The following CDC14A variants were observed in gnomAD, a reference collection of about 807,000 sequenced individuals.
CDC14A encodes dual specificity protein phosphatase CDC14A.
CDC14A carries 53 observed loss-of-function variants against 74.4 expected under a neutral mutation model. The ratio of observed to expected loss-of-function variants is 0.71; its 90% CI spans 0.57 to 0.89. CDC14A has a LOEUF of 0.89. Ranked by LOEUF, CDC14A falls within the 40% of genes least tolerant of loss-of-function variation. The probability of loss-of-function intolerance (pLI) is 0.00; values close to 1 mark genes in which losing one functional copy is unlikely to be tolerated. For synonymous variants in CDC14A, 247 were observed against 258.4 expected, an observed-to-expected ratio of 0.96 and a Z score of 0.43; for missense variants, 646 against 713.7, an observed-to-expected ratio of 0.91 and a Z score of 1.08.
At chr1:100,449,123 C>A (rs143531253) in intron 7 of CDC14A, among the ~76,000 whole-genome samples, 2 of 152,196 alleles carry the variant, frequency 1.3e-5, no homozygotes, top group Non-Finnish European at 2.9e-5. Context: ...AAAGGGTGCT[C>A]TTTTGGGGAA....
At chr1:100,412,699 TATATATA>T (rs1660880958) in intron 4 of CDC14A, among the ~76,000 whole-genome samples, 1 of 38,352 alleles carries the variant, frequency 2.6e-5, no homozygotes, top group Non-Finnish European at 4.9e-5. Context: ...GTATGTTTTA[TATATATA>T]TATATATATA....
chr1:100,419,035 A>C (rs187695567), intron 4 of CDC14A, among the ~76,000 whole-genome samples: 10 of 152,226 alleles, frequency 6.6e-5, no homozygotes, highest in Non-Finnish European at 1.3e-4. Flanking sequence ...AAATACAAAA[A>C]AGTAGCTGAA....
intron 6 of CDC14A, among the ~76,000 whole-genome samples, chr1:100,441,227 T>G (rs1414549370): frequency 1.3e-5 from 2 of 152,196 alleles, no homozygotes; most frequent in Non-Finnish European, 2.9e-5. Flanking sequence ...TCCTTCCTGT[T>G]GTAGAGGAAA....
rs752397987 is a variant in CDC14A, at chr1:100,424,289, A to G, written c.377A>G (p.Tyr126Cys). The stretch of plus-strand genomic sequence containing the variant: ...CTCCTGTCTGGCTCAAACCCCCCCT[A>G]TCTTCCATTCAGGTATAACTCCTGG... ...RALLSGSNPP[Y>C]LPFRDASFGN... Residue 126 changes from tyrosine (Y) to cysteine (C), a missense_variant, in exon 5 of 16, where the codon TAT becomes TGT. Coordinates refer to ENST00000336454, the MANE Select transcript of CDC14A (RefSeq NM_003672.4). The G allele has an allele frequency of 5.6e-6, 9 of 1,612,818 alleles. No homozygotes were observed. The highest frequency in any genetic ancestry group is 7.6e-6 in the Non-Finnish European group (9 of 1,178,924).
chr1:100,459,346 A>T (rs1667094793), intron 8 of CDC14A, among the ~76,000 whole-genome samples: 1 of 152,120 alleles, frequency 6.6e-6, no homozygotes, highest in African/African-American at 2.4e-5. Flanking sequence ...GAGAAATATG[A>T]TCCTCACTGC....
In CDC14A at chr1:100,373,739, A is replaced by C. The variant is rs72969094; in HGVS notation, c.141-3807A>C. Among the ~76,000 whole-genome samples the C allele has an allele frequency of 3.9e-3, 587 of 152,310 alleles. 4 individuals carry two copies. Among genetic ancestry groups the C allele is most frequent in the African/African-American group, 0.013 (557 of 41,562 alleles). The stretch of plus-strand genomic sequence containing the variant: ...GTTTACATTTACAATACAACACCAC[A>C]CTGGGAAGTTAAGAAATGAGTCTAG... On this transcript the variant is annotated intron_variant, in intron 2 of 15. Transcript: ENST00000336454.
intron 2 of CDC14A, among the ~76,000 whole-genome samples, chr1:100,373,145 T>G (rs1404962352): frequency 6.6e-6 from 1 of 152,212 alleles, no homozygotes; most frequent in Non-Finnish European, 1.5e-5. Flanking sequence ...CCTTTTGATT[T>G]AAAGTGAACC....
chr1:100,396,193 AG>A (rs1057450142), intron 4 of CDC14A, among the ~76,000 whole-genome samples: 1 of 152,232 alleles, frequency 6.6e-6, no homozygotes, highest in Non-Finnish European at 1.5e-5. Context: ...AAGCTGGGAC[AG>A]GGTCCTGGAG....
At chr1:100,351,303 A>G (rs754827963), upstream of CDC14A, among the ~76,000 whole-genome samples, 11 of 151,934 alleles carry the variant, frequency 7.2e-5, no homozygotes, top group Non-Finnish European at 1.3e-4. Context: ...CTTTCTCCCT[A>G]GAGGTCAACA....
At chr1:100,485,313 C>T (rs1233541747) in intron 11 of CDC14A, 1 of 984,492 alleles carries the variant, frequency 1.0e-6, no homozygotes, top group African/African-American at 1.8e-5. Flanking sequence ...GTCTTTCTAC[C>T]ACGTTATACC....
intron 8 of CDC14A, among the ~76,000 whole-genome samples, chr1:100,457,991 T>TA (rs1169469573): frequency 1.3e-5 from 2 of 152,212 alleles, no homozygotes; most frequent in Non-Finnish European, 2.9e-5. Flanking sequence ...TAATAAGTTA[T>TA]AAGTGTCAAA....
chr1:100,502,718 C>G (rs1045699193), intron 15 of CDC14A, among the ~76,000 whole-genome samples: 1 of 152,194 alleles, frequency 6.6e-6, no homozygotes, highest in Non-Finnish European at 1.5e-5. Flanking sequence ...GCTGGTAGAA[C>G]CATGGGGGCA....
chr1:100,454,811 A>G (rs1012585958), intron 7 of CDC14A, among the ~76,000 whole-genome samples: 1 of 152,082 alleles, frequency 6.6e-6, no homozygotes, highest in Non-Finnish European at 1.5e-5. Context: ...ACCTGACTCT[A>G]TGTATGTCCC....
chr1:100,401,853 A>G (rs1217750073), intron 4 of CDC14A, among the ~76,000 whole-genome samples: 2 of 152,212 alleles, frequency 1.3e-5, no homozygotes, highest in East Asian at 3.9e-4. Context: ...AGCCTGACCA[A>G]CAGGGAGAAA....
chr1:100,469,844 T>C (rs1668214531), intron 10 of CDC14A, among the ~76,000 whole-genome samples: 1 of 152,150 alleles, frequency 6.6e-6, no homozygotes, highest in Admixed American at 6.5e-5. Context: ...ACCTCCCTAT[T>C]ATACTCTTTC....
At chr1:100,433,119 A>G (rs1663914986) in intron 5 of CDC14A, among the ~76,000 whole-genome samples, 1 of 151,850 alleles carries the variant, frequency 6.6e-6, no homozygotes, top group Admixed American at 6.6e-5. Context: ...GGCTCAAGCA[A>G]TCCTCCTGCC....
intron 2 of CDC14A, among the ~76,000 whole-genome samples, chr1:100,354,390 C>A (rs1421130657): frequency 6.6e-6 from 1 of 152,150 alleles, no homozygotes; most frequent in Non-Finnish European, 1.5e-5. Flanking sequence ...ATTATTGATT[C>A]TTTTATTTGG....
chr1:100,494,314 C>T (rs184404934), intron 11 of CDC14A, among the ~76,000 whole-genome samples: 229 of 152,248 alleles, frequency 1.5e-3, no homozygotes, highest in Non-Finnish European at 2.9e-3. Context: ...TCCTTTAAAT[C>T]CTTCTGAAAA....
At chr1:100,402,036 TA>T (rs113266871) in intron 4 of CDC14A, among the ~76,000 whole-genome samples, 312 of 139,132 alleles carry the variant, frequency 2.2e-3, no homozygotes, top group Admixed American at 2.0e-3. Flanking sequence ...AGAACTCCAT[TA>T]AAAAAAAAAA....
Sources: gnomAD v4.1 joint callset for allele counts (sites outside exome capture counted in the v4.1 genomes callset) on GRCh38, gnomAD v4.1.1 for gene constraint, MANE v1.5 for transcripts, NCBI Gene and HGNC (gene_info 2026-07-23, HGNC 2026-07-21) for gene names.